CDH1: variants seen among roughly 807,000 people sequenced by gnomAD.
The protein encoded by CDH1 is cadherin 1, also known as cadherin-1.
Under a neutral mutation model 84.5 loss-of-function variants are expected in CDH1, and 35 were observed. The ratio of observed to expected loss-of-function variants is 0.41; its 90% CI spans 0.32 to 0.55. The LOEUF (loss-of-function observed/expected upper bound fraction) is 0.55. Among genes scored for constraint, CDH1 ranks in the 20% least tolerant of loss-of-function variants. CDH1 has a pLI of 0.19. For synonymous variants in CDH1, 417 were observed against 439.0 expected (o/e 0.95, Z 0.63); for missense variants, 994 against 1,126.6 (o/e 0.88, Z 1.68).
chr16:68,757,785 C>T (rs547889403), intron 2 of CDH1, among the ~76,000 whole-genome samples: 1 of 148,900 alleles, frequency 6.7e-6, no homozygotes, highest in South Asian at 2.2e-4. Flanking sequence ...TTCCTTCCTT[C>T]CTTCCTTTCT....
chr16:68,810,473 A>G (rs1960790972), intron 6 of CDH1, 132 bp downstream of exon 6: 17 of 820,288 alleles, frequency 2.1e-5, no homozygotes, highest in South Asian at 1.9e-4. Context: ...TTGGCAAGCC[A>G]TTGTTGTGTT....
chr16:68,823,304 T>C, intron 12 of CDH1, 95 bp from the exon 13 acceptor site: 3 of 853,088 alleles, frequency 3.5e-6, no homozygotes, highest in Non-Finnish European at 2.0e-6. Flanking sequence ...TCACTCGGCT[T>C]GCGGGTGTCT....
chr16:68,788,945 C>T (rs901548628), intron 2 of CDH1, among the ~76,000 whole-genome samples: 3 of 152,034 alleles, frequency 2.0e-5, no homozygotes, highest in East Asian at 1.9e-4. Flanking sequence ...GCGGAGGTTG[C>T]GGTAATCTGA....
intron 5 of CDH1, among the ~76,000 whole-genome samples, chr16:68,809,226 C>CTTTTTTTTT (rs536314715): frequency 3.0e-5 from 4 of 135,462 alleles, no homozygotes; most frequent in African/African-American, 8.2e-5. Context: ...ACCAAGAGGT[C>CTTTTTTTTT]TTTTTTTTTT....
At chr16:68,775,387 A>G (rs1230110660) in intron 2 of CDH1, among the ~76,000 whole-genome samples, 1 of 152,156 alleles carries the variant, frequency 6.6e-6, no homozygotes, top group African/African-American at 2.4e-5. Flanking sequence ...CATGCCAAGA[A>G]TGTCTTGTGT....
At chr16:68,802,542 C>G (rs1960545193) in intron 3 of CDH1, among the ~76,000 whole-genome samples, 1 of 151,836 alleles carries the variant, frequency 6.6e-6, no homozygotes, top group Admixed American at 6.6e-5. Flanking sequence ...AGTGGCGTGA[C>G]TCACAGCAAC....
At chr16:68,739,480 G>C (rs35719831) in intron 2 of CDH1, among the ~76,000 whole-genome samples, 92 of 152,160 alleles carry the variant, frequency 6.0e-4, no homozygotes, top group African/African-American at 2.2e-3. Flanking sequence ...GCCCATGCTG[G>C]TGTTGAACTC....
At chr16:68,820,016 T>C (rs924821421) in intron 11 of CDH1, among the ~76,000 whole-genome samples, 2 of 151,994 alleles carry the variant, frequency 1.3e-5, no homozygotes, top group Admixed American at 6.6e-5. Context: ...CTGGGTAACA[T>C]GGCAAAACCC....
At chr16:68,812,719 T>A (rs35852800) in intron 8 of CDH1, among the ~76,000 whole-genome samples, 1,833 of 152,200 alleles carry the variant, frequency 0.012, 35 homozygotes, top group African/African-American at 0.042. Context: ...GGAGAAGGTA[T>A]TGAGAACCAA....
At chr16:68,775,125 CA>C (rs58497601) in intron 2 of CDH1, among the ~76,000 whole-genome samples, 461 of 108,096 alleles carry the variant, frequency 4.3e-3, no homozygotes, top group African/African-American at 6.3e-3. Context: ...GGCCCTGTCT[CA>C]AAAAAAAAAA....
intron 2 of CDH1, among the ~76,000 whole-genome samples, chr16:68,777,230 C>A (rs528842929): frequency 2.6e-5 from 4 of 152,336 alleles, no homozygotes; most frequent in African/African-American, 9.6e-5. Context: ...GCCACGGGCT[C>A]TGGGGCCAGA....
chr16:68,806,462 A>T (rs1960665198), intron 3 of CDH1, among the ~76,000 whole-genome samples: 1 of 152,108 alleles, frequency 6.6e-6, no homozygotes, highest in African/African-American at 2.4e-5. Context: ...GGATACAGTG[A>T]TGATGGTCAG....
At chr16:68,756,092 A>G (rs933538740) in intron 2 of CDH1, among the ~76,000 whole-genome samples, 1 of 151,634 alleles carries the variant, frequency 6.6e-6, no homozygotes, top group African/African-American at 2.4e-5. Flanking sequence ...TTCTTCCTGC[A>G]GAGGGATGAT....
chr16:68,788,082 C>T (rs1205930226), intron 2 of CDH1, among the ~76,000 whole-genome samples: 1 of 152,136 alleles, frequency 6.6e-6, no homozygotes, highest in Non-Finnish European at 1.5e-5. Flanking sequence ...CCTCCTTGGC[C>T]TCCCAAAGTG....
intron 2 of CDH1, among the ~76,000 whole-genome samples, chr16:68,757,967 C>CTTTTTTTTTTT (rs58385798): frequency 8.8e-6 from 1 of 113,356 alleles, no homozygotes; most frequent in Non-Finnish European, 1.8e-5. Context: ...CCAGGCTAAT[C>CTTTTTTTTTTT]TTTTTTTTTT....
chr16:68,755,412 A>T (rs1161417824), intron 2 of CDH1, among the ~76,000 whole-genome samples: 1 of 151,900 alleles, frequency 6.6e-6, no homozygotes, highest in Non-Finnish European at 1.5e-5. Flanking sequence ...TAATTTTTAA[A>T]TTTTTTGTTA....
chr16:68,773,234 T>C (rs907113556), intron 2 of CDH1, among the ~76,000 whole-genome samples: 1 of 152,108 alleles, frequency 6.6e-6, no homozygotes, highest in Admixed American at 6.5e-5. Flanking sequence ...CTAGTGTTGG[T>C]TGGAGACAAA....
At position 68,813,340 on chromosome 16, in the gene CDH1, G is replaced by A. The variant is rs1597895749; in HGVS notation, c.1165G>A (p.Ala389Thr). 1 of 1,614,146 alleles carries A rather than the reference G, an allele frequency of 6.2e-7. No homozygotes were observed. The highest frequency in any genetic ancestry group is 8.5e-7 in the Non-Finnish European group (1 of 1,180,026). ...CAAGGGTCAGGTGCCTGAGAACGAGGCTAACGTCGTAATCACCACACTGAA... is the reference window on the plus strand; with the variant it reads ...CAAGGGTCAGGTGCCTGAGAACGAGACTAACGTCGTAATCACCACACTGAA... ...TYKGQVPENE[A>T]NVVITTLKVT... is the part of the protein sequence containing the mutation. Residue 389 changes from alanine (A) to threonine (T), a missense_variant, in exon 9 of 16, where the codon GCT (alanine) becomes ACT (threonine). Around this residue, in one of 3 missense-constraint regions of CDH1, gnomAD observed 769 missense variants for 881.8 expected, o/e 0.87. Coordinates refer to ENST00000261769, the MANE Select transcript of CDH1 (RefSeq NM_004360.5).
chr16:68,746,989 G>C (rs1222567720), intron 2 of CDH1, among the ~76,000 whole-genome samples: 2 of 152,142 alleles, frequency 1.3e-5, no homozygotes, highest in Non-Finnish European at 2.9e-5. Context: ...GGGTGGATGG[G>C]TGTGGGAGTG....
Sources: gnomAD v4.1 joint callset for allele counts (sites outside exome capture counted in the v4.1 genomes callset) on GRCh38, gnomAD v4.1.1 for gene constraint, gnomAD v4.1.1 regional missense constraint, MANE v1.5 for transcripts, NCBI Gene and HGNC (gene_info 2026-07-23, HGNC 2026-07-21) for gene names.